RPN1: variants seen among roughly 807,000 people sequenced by gnomAD.
RPN1 encodes ribophorin I.
A neutral mutation model predicts 55.5 loss-of-function variants in RPN1; 12 were observed. The ratio of observed to expected loss-of-function variants is 0.22; its 90% CI spans 0.14 to 0.35. The LOEUF (loss-of-function observed/expected upper bound fraction) is 0.35. RPN1 is among the 10% of genes least tolerant of loss of function. RPN1 has a pLI of 1.00. For synonymous variants in RPN1, 317 were observed against 305.9 expected, an observed-to-expected ratio of 1.04 and a Z score of -0.38; for missense variants, 679 against 761.3, an observed-to-expected ratio of 0.89 and a Z score of 1.27.
rs534115650 is a variant in RPN1, at chr3:128,621,870, G to T, written c.1641+294C>A. 7.9e-5 allele frequency among the ~76,000 whole-genome samples: 12 copies of T among 152,300 alleles called. No homozygotes were observed. In the South Asian group the frequency reaches 2.5e-3, roughly 32 times the overall value. ...TTTTACCACAACATAAGCAGCCTGGGACCTAGAACAGTCTGGCCTCCAGGA... is the reference window on the plus strand; with the variant it reads ...TTTTACCACAACATAAGCAGCCTGGTACCTAGAACAGTCTGGCCTCCAGGA... On this transcript the variant is annotated intron_variant, in intron 9 of 9. Transcript: ENST00000296255.
intron 6 of RPN1, 137 bp downstream of exon 6, chr3:128,626,596 G>C: frequency 2.8e-6 from 2 of 707,256 alleles, no homozygotes; most frequent in South Asian, 3.4e-5. Context: ...GAGAGGCCAA[G>C]TAGATGTTCC....
intron 5 of RPN1, among the ~76,000 whole-genome samples, chr3:128,628,161 G>A (rs914002469): frequency 1.8e-4 from 27 of 151,962 alleles, no homozygotes; most frequent in Non-Finnish European, 3.5e-4. Context: ...AGAAGCTGAG[G>A]CAGGAGAATC....
At position 128,630,154 on chromosome 3, in the gene RPN1, G is replaced by A. The variant is rs762169602; in HGVS notation, c.844-11C>T. On this transcript the variant is annotated splice_polypyrimidine_tract_variant and intron_variant, in intron 4 of 9. Transcript: ENST00000296255. ...AGCAGGAAGGATGGTCTGCAAGAGA[G>A]TGGATATGCCCTTCTAAAACTCCAG... The A allele has an allele frequency of 1.2e-6, 2 of 1,601,544 alleles. No individual in the cohort carries two copies. The highest frequency in any genetic ancestry group is 1.1e-5 in the South Asian group (1 of 90,390).
chr3:128,650,711 C>A lies in RPN1; in HGVS notation c.90G>T (p.Pro30=). ...APGSASSEAP[P]LINEDVKRTV... ...TGCGCTTCACGTCCTCATTGATCAGCGGCGGTGCCTCGGAGGAGGCGCTGC... is the reference window on the plus strand; with the variant it reads ...TGCGCTTCACGTCCTCATTGATCAGAGGCGGTGCCTCGGAGGAGGCGCTGC... Residue 30 remains proline, a synonymous_variant, in exon 1 of 10, where the codon CCG becomes CCT. Transcript: ENST00000296255. The A allele has an allele frequency of 6.4e-7, 1 of 1,566,536 alleles. No individual in the cohort carries two copies. The highest frequency in any genetic ancestry group is 8.7e-7 in the Non-Finnish European group (1 of 1,155,620).
Position 128,632,097 on chromosome 3 carries a change from G to C in RPN1, c.694C>G (p.Arg232Gly). 1.9e-6 allele frequency: 3 copies of C among 1,614,122 alleles called. No individual in the cohort carries two copies. Among genetic ancestry groups the C allele is most frequent in the Non-Finnish European group, 2.5e-6 (3 of 1,180,044 alleles). ...CCCCAGTGAGAGACTTCAATGACTC[G>C]GGTCATGCTGGTGATGGTCAGGAAA... The part of the protein sequence containing the change: ...SPFLTITSMT[R>G]VIEVSHWGNI... Residue 232 changes from arginine (R) to glycine (G), a missense_variant, in exon 4 of 10, where the codon CGA (arginine) becomes GGA (glycine). By Grantham distance (125) the Arg-to-Gly change is moderately radical (BLOSUM62 -2). Around this residue, in one of 3 missense-constraint regions of RPN1, gnomAD observed 352 missense variants for 352.8 expected, o/e 1.00. Coordinates refer to ENST00000296255, the MANE Select transcript of RPN1 (RefSeq NM_002950.4).
rs1559756589 is a variant in RPN1 at position 128,637,923 on chromosome 3, G to A, written c.509C>T (p.Thr170Ile). The change falls in exon 3 of 10, where the codon ACA (threonine) becomes ATA (isoleucine). Residue 170 changes from threonine to isoleucine, a missense_variant. Physicochemically the swap from Thr to Ile is moderately conservative, Grantham distance 89. Transcript: ENST00000296255. ...GGCAAGCTTCACACGCATGGTTTGT[G>A]TCTTCGTTGGATAGGGAGAGTAGAA... The part of the protein sequence containing the change: ...HYFYSPYPTK[T>I]QTMRVKLASR... The A allele has an allele frequency of 6.2e-7, 1 of 1,614,224 alleles. No homozygotes were observed. Among genetic ancestry groups the A allele is most frequent in the Non-Finnish European group, 8.5e-7 (1 of 1,180,040 alleles).
At chr3:128,631,759 T>C (rs1006008376) in intron 4 of RPN1, among the ~76,000 whole-genome samples, 189 bp downstream of exon 4, 4 of 151,748 alleles carry the variant, frequency 2.6e-5, no homozygotes, top group Non-Finnish European at 5.9e-5. Flanking sequence ...AAAAAGAAAA[T>C]GGCTTATCTA....
chr3:128,641,919 G>C (rs749774105), intron 2 of RPN1, among the ~76,000 whole-genome samples: 28 of 152,116 alleles, frequency 1.8e-4, no homozygotes, highest in Non-Finnish European at 3.1e-4. Flanking sequence ...CCAATTTAGT[G>C]ACTCTTAGCC....
intron 4 of RPN1, among the ~76,000 whole-genome samples, chr3:128,630,927 C>T (rs2107715762): frequency 6.8e-6 from 1 of 148,020 alleles, no homozygotes; most frequent in East Asian, 2.0e-4. Flanking sequence ...TCCTGGCTAA[C>T]ATGGTGAAAC....
rs1189281375 is a variant in RPN1 at position 128,622,544 on chromosome 3, C to T, written c.1396-135G>A. 7.3e-6 allele frequency: 8 copies of T among 1,097,514 alleles called. No individual in the cohort carries two copies. The South Asian group carries it at 8.9e-5, about 12-fold the overall frequency. The allele number at this position is 1,097,514 out of a possible 1,614,324, so 68.0% of individuals were successfully genotyped here. ...CCTTCTTGGAAAGTCAAAGTCAAACCCCTACTGATACCTAATCTGGACCAG... is the reference window on the plus strand; with the variant it reads ...CCTTCTTGGAAAGTCAAAGTCAAACTCCTACTGATACCTAATCTGGACCAG... On this transcript the variant is annotated intron_variant, in intron 8 of 9. Coordinates refer to ENST00000296255, the MANE Select transcript of RPN1 (RefSeq NM_002950.4).
At chr3:128,637,102 G>T (rs2069686868) in intron 3 of RPN1, among the ~76,000 whole-genome samples, 1 of 152,008 alleles carries the variant, frequency 6.6e-6, no homozygotes, top group Non-Finnish European at 1.5e-5. Flanking sequence ...ACTGGGCATG[G>T]TGACGCACAC....
chr3:128,629,434 C>G (rs1265521204), intron 5 of RPN1, among the ~76,000 whole-genome samples: 1 of 151,708 alleles, frequency 6.6e-6, no homozygotes, highest in African/African-American at 2.4e-5. Context: ...TGGTGGCGGG[C>G]ACCTATAATC....
intron 9 of RPN1, 22 bp downstream of exon 9, chr3:128,622,142 C>T: frequency 6.2e-7 from 1 of 1,612,430 alleles, no homozygotes; most frequent in Non-Finnish European, 8.5e-7. Flanking sequence ...AGCCAAGCAA[C>T]TCTGTGACGC....
intron 3 of RPN1, 46 bp downstream of exon 3, chr3:128,637,753 A>G: frequency 6.3e-7 from 1 of 1,579,056 alleles, no homozygotes; most frequent in Non-Finnish European, 8.6e-7. Flanking sequence ...TCTGCAAGAC[A>G]TTCTCTGAAG....
At chr3:128,640,221 A>G (rs1302188101) in intron 2 of RPN1, among the ~76,000 whole-genome samples, 2 of 152,164 alleles carry the variant, frequency 1.3e-5, no homozygotes, top group Non-Finnish European at 2.9e-5. Context: ...TAAAATTCAC[A>G]GGGTACTAAT....
chr3:128,646,215 TC>T (rs978487012), intron 1 of RPN1, among the ~76,000 whole-genome samples: 31 of 113,374 alleles, frequency 2.7e-4, no homozygotes, highest in Middle Eastern at 0.011. Context: ...AGAGTGAGAC[TC>T]CGTCTCAAAA....
intron 3 of RPN1, among the ~76,000 whole-genome samples, chr3:128,632,427 T>C (rs941855112): frequency 6.6e-6 from 1 of 152,058 alleles, no homozygotes; most frequent in Admixed American, 6.6e-5. Flanking sequence ...TTTGTAAGAG[T>C]TCTAAATAAG....
intron 1 of RPN1, among the ~76,000 whole-genome samples, chr3:128,649,501 G>C (rs1446653955): frequency 6.6e-6 from 1 of 152,178 alleles, no homozygotes; most frequent in Non-Finnish European, 1.5e-5. Context: ...AGTCATTTCA[G>C]AAACGTAATC....
chr3:128,636,716 G>A (rs2069684623), intron 3 of RPN1, among the ~76,000 whole-genome samples: 1 of 152,002 alleles, frequency 6.6e-6, no homozygotes, highest in Non-Finnish European at 1.5e-5. Context: ...ACCATGCCCA[G>A]CTTATTATTT....
Sources: gnomAD v4.1 joint callset for allele counts (sites outside exome capture counted in the v4.1 genomes callset) on GRCh38, gnomAD v4.1.1 for gene constraint, gnomAD v4.1.1 regional missense constraint, MANE v1.5 for transcripts, NCBI Gene and HGNC (gene_info 2026-07-23, HGNC 2026-07-21) for gene names.